Variants in CHAF1A observed in about 807,000 individuals in gnomAD.
CHAF1A encodes CAF-1 subunit A.
A neutral mutation model predicts 93.2 loss-of-function variants in CHAF1A; 5 were observed. The observed-to-expected ratio is 0.05, with a 90% CI of 0.03 to 0.11. The LOEUF is 0.11. Ranked by LOEUF, CHAF1A falls within the 10% of genes least tolerant of loss-of-function variation. CHAF1A has a pLI of 1.00. For synonymous variants in CHAF1A, 504 were observed against 510.3 expected (o/e 0.99, Z 0.17); for missense variants, 1,102 against 1,259.9 (o/e 0.87, Z 1.90).
Position 4,433,089 on chromosome 19 carries a change from G to C in CHAF1A, c.2223G>C (p.Pro741=). 6.3e-7 allele frequency: 1 copy of C among 1,584,924 alleles called. No homozygotes were observed. The highest frequency in any genetic ancestry group is 8.6e-7 in the Non-Finnish European group (1 of 1,159,806). ...RDEQILAQLL[P]LLHGNVNGSK... ...TGCCAGTCCTGGCCCAGCTGCTGCC[G>C]CTCCTGCACGGCAATGTGAACGGGA... The change falls in exon 13 of 15, where the codon CCG becomes CCC. Residue 741 remains proline (P), a synonymous_variant. Coordinates refer to ENST00000301280, the MANE Select transcript of CHAF1A (RefSeq NM_005483.3). This position sits in a 1 kb window ranked among gnomAD's most constrained non-coding sequence, Gnocchi z 5.6.
intron 4 of CHAF1A, among the ~76,000 whole-genome samples, chr19:4,418,835 C>T (rs1281841111): frequency 6.6e-6 from 1 of 151,986 alleles, no homozygotes; most frequent in Non-Finnish European, 1.5e-5. Context: ...GGCATCACCA[C>T]GTTTTCCACA....
chr19:4,448,094 T>A, downstream of CHAF1A: 1 of 585,708 alleles, frequency 1.7e-6, no homozygotes, highest in Non-Finnish European at 3.0e-6. Context: ...GGGAAACCCC[T>A]GATTCCTTCA....
At chr19:4,445,608 G>C, downstream of CHAF1A, 1 of 1,613,206 alleles carries the variant, frequency 6.2e-7, no homozygotes, top group Non-Finnish European at 8.5e-7. Flanking sequence ...GAGAAGGTCA[G>C]GAGGGCAGAG....
Position 4,432,062 on chromosome 19 carries a change from C to G in CHAF1A, c.2058C>G (p.Ile686Met), listed in dbSNP as rs547209645. The G allele has an allele frequency of 1.3e-5, 21 of 1,614,090 alleles. No individual in the cohort carries two copies. In the Middle Eastern group the frequency reaches 1.5e-3, roughly 114 times the overall value. The stretch of plus-strand genomic sequence containing the variant: ...TTCGCGTCCTGCAACCTGTGAAGAT[C>G]GGCTGCGTGTGGGCGGCTGACAGAG... Reference protein sequence around the residue: ...KRFRVLQPVKIGCVWAADRDC... With the variant: ...KRFRVLQPVKMGCVWAADRDC... The change falls in exon 12 of 15, where the codon ATC (isoleucine) becomes ATG (methionine). Residue 686 changes from isoleucine to methionine, a missense_variant. Physicochemically the swap from Ile to Met is conservative, Grantham distance 10 (BLOSUM62 1). Transcript: ENST00000301280.
chr19:4,445,718 C>G, downstream of CHAF1A: 1 of 1,535,976 alleles, frequency 6.5e-7, no homozygotes, highest in Non-Finnish European at 8.7e-7. Context: ...GATGCCCCGG[C>G]CTGGAAGCCA....
chr19:4,410,696 T>C (rs1000039531), intron 3 of CHAF1A, among the ~76,000 whole-genome samples: 8 of 152,184 alleles, frequency 5.3e-5, no homozygotes, highest in Admixed American at 4.6e-4. Context: ...AAAAAATTTT[T>C]AAAAGTTATC....
At chr19:4,445,945 CT>C, downstream of CHAF1A, 1 of 1,494,556 alleles carries the variant, frequency 6.7e-7, no homozygotes. Context: ...CCCAGGCCCC[CT>C]GCTCTGAGAA....
chr19:4,447,837 C>G (rs1216410165), downstream of CHAF1A: 1 of 581,434 alleles, frequency 1.7e-6, no homozygotes, highest in African/African-American at 1.9e-5. Context: ...CAGCAGGAGC[C>G]CCACGGAACC....
intron 3 of CHAF1A, among the ~76,000 whole-genome samples, chr19:4,417,259 C>T (rs1396481957): frequency 6.6e-6 from 1 of 152,120 alleles, no homozygotes; most frequent in Non-Finnish European, 1.5e-5. Context: ...GCATGAGCCA[C>T]TGTGCCCGTC....
chr19:4,417,246 C>T (rs117642466), intron 3 of CHAF1A, among the ~76,000 whole-genome samples: 5,965 of 152,190 alleles, frequency 0.039, 255 homozygotes, highest in South Asian at 0.17. Context: ...GCTGGGATTA[C>T]AGGCATGAGC....
rs773301319 is a variant in CHAF1A at position 4,433,365 on chromosome 19, G to A, written c.2499G>A (p.Leu833=). ...TACAGAGCTTCCAGCAGGAGCACCTGCCCGTGCCGTGCCAGTGGAGCTATG... is the reference window on the plus strand; with the variant it reads ...TACAGAGCTTCCAGCAGGAGCACCTACCCGTGCCGTGCCAGTGGAGCTATG... ...QVLQSFQQEH[L]PVPCQWSYVT... Residue 833 remains leucine (L), a synonymous_variant, in exon 13 of 15, where the codon CTG becomes CTA. Transcript: ENST00000301280. This position sits in a 1 kb window ranked among gnomAD's most constrained non-coding sequence, Gnocchi z 5.6. 10 of 1,613,144 alleles carry A rather than the reference G, an allele frequency of 6.2e-6. No individual in the cohort carries two copies. The South Asian group carries it at 9.9e-5, about 16-fold the overall frequency.
chr19:4,446,545 A>T, downstream of CHAF1A: 10 of 1,612,220 alleles, frequency 6.2e-6, no homozygotes, highest in Non-Finnish European at 8.5e-6. Context: ...GAGGTTGAAG[A>T]AGTCCCCAGG....
intron 3 of CHAF1A, among the ~76,000 whole-genome samples, chr19:4,412,166 A>G (rs1973817220): frequency 6.6e-6 from 1 of 152,202 alleles, no homozygotes; most frequent in African/African-American, 2.4e-5. Flanking sequence ...GGCATCCTGT[A>G]GTGTACATTC....
intron 7 of CHAF1A, among the ~76,000 whole-genome samples, chr19:4,426,766 G>A (rs1021205542): frequency 3.9e-5 from 6 of 152,246 alleles, no homozygotes; most frequent in South Asian, 2.1e-4. Flanking sequence ...GAGCCACCAC[G>A]CCCAGCTACA....
At chr19:4,435,880 TATA>T (rs1398481151) in intron 13 of CHAF1A, among the ~76,000 whole-genome samples, 4 of 152,206 alleles carry the variant, frequency 2.6e-5, no homozygotes, top group Non-Finnish European at 5.9e-5. Context: ...GGCTCACGCC[TATA>T]ATCCCATCAC....
At chr19:4,442,712 G>A (rs911118765) in intron 14 of CHAF1A, among the ~76,000 whole-genome samples, 2 of 152,206 alleles carry the variant, frequency 1.3e-5, no homozygotes, top group African/African-American at 4.8e-5. Context: ...AGTGTGCCCG[G>A]GTGGTGGGGG....
rs1234498774 is a variant in CHAF1A at position 4,442,332 on chromosome 19, G to A, written c.2761G>A (p.Asp921Asn). The A allele has an allele frequency of 6.3e-7, 1 of 1,596,946 alleles. No homozygotes were observed. Among genetic ancestry groups the A allele is most frequent in the Non-Finnish European group, 8.5e-7 (1 of 1,170,698 alleles). ...EGDCMIVDVPDAAEVQAPCGA... is the reference protein window; with the variant it reads ...EGDCMIVDVPNAAEVQAPCGA... ...CGACTGTATGATCGTGGATGTCCCG[G>A]ATGCTGCGGGTGAGAAGGGCTGTAG... Residue 921 changes from aspartate to asparagine, a missense_variant, in exon 14 of 15, where the codon GAT becomes AAT. Transcript: ENST00000301280.
intron 7 of CHAF1A, among the ~76,000 whole-genome samples, chr19:4,425,680 G>T (rs189104523): frequency 6.6e-6 from 1 of 152,168 alleles, no homozygotes; most frequent in Non-Finnish European, 1.5e-5. Flanking sequence ...AGTGGTGTAG[G>T]GGGGGTCCCT....
Position 4,443,074 on chromosome 19 carries a change from C to A in CHAF1A, c.*49C>A. 1.6e-6 allele frequency: 2 copies of A among 1,221,938 alleles called. No homozygotes were observed. The highest frequency in any genetic ancestry group is 1.3e-5 in the South Asian group (1 of 77,754). 75.7% of individuals were successfully genotyped at this position (1,221,938 alleles called of 1,614,324 possible). A position where few individuals can be genotyped will look rare whatever the true frequency, so the allele number is the denominator to read the frequency against. On this transcript the variant is annotated 3_prime_UTR_variant, in exon 15 of 15. Transcript: ENST00000301280. ...TGCTTAGGGTGTCCTCCCCACAGAG[C>A]AGATACTTGAACCGACTCAATTCCT...
Sources: allele counts gnomAD v4.1 joint callset (sites outside exome capture counted in the v4.1 genomes callset), GRCh38; gene constraint gnomAD v4.1.1; non-coding constraint Gnocchi (gnomAD v3.1); transcripts MANE v1.5; gene names NCBI Gene and HGNC (gene_info 2026-07-23, HGNC 2026-07-21).